The following DGKH variants were observed in gnomAD, a reference collection of about 807,000 sequenced individuals.
DGKH encodes the protein diacylglycerol kinase eta, also known as DAG kinase eta.
Under a neutral mutation model 159.3 loss-of-function variants are expected in DGKH, and 90 were observed. The observed-to-expected ratio is 0.57, with a 90% CI of 0.48 to 0.67. DGKH has a LOEUF of 0.67. DGKH is among the 30% of genes least tolerant of loss of function. The pLI is 0.00. For missense variants in DGKH, 1,181 were observed against 1,506.1 expected, an observed-to-expected ratio of 0.78 and a Z score of 3.57; for synonymous variants, 536 against 553.8, an observed-to-expected ratio of 0.97 and a Z score of 0.45.
chr13:42,156,140 A>G (rs1956038744), intron 5 of DGKH, among the ~76,000 whole-genome samples: 1 of 152,232 alleles, frequency 6.6e-6, no homozygotes, highest in African/African-American at 2.4e-5. Flanking sequence ...ATTATATTGC[A>G]TTGTTTTAAA....
intron 1 of DGKH, among the ~76,000 whole-genome samples, chr13:42,124,474 C>T (rs1032969479): frequency 6.6e-6 from 1 of 152,126 alleles, no homozygotes; most frequent in African/African-American, 2.4e-5. Flanking sequence ...ATTGCTGGTA[C>T]ATGTTATTTC....
chr13:42,152,200 G>A (rs1397165720), intron 3 of DGKH, among the ~76,000 whole-genome samples: 7 of 152,086 alleles, frequency 4.6e-5, no homozygotes, highest in Non-Finnish European at 7.4e-5. Flanking sequence ...GAGTACATTT[G>A]TGTTGTTTTA....
Position 42,236,407 on chromosome 13 carries a change from A to G in DGKH, c.*7219A>G, listed in dbSNP as rs1408761287. On this transcript the variant is annotated 3_prime_UTR_variant, in exon 30 of 30. Transcript: ENST00000337343. ...ATAGTAATAGACACTTTGTTAAAAA[A>G]ATAAGTTTCATGTTTAAAATAAATA... The G allele has an allele frequency of 3.3e-5, 5 of 152,240 alleles. No homozygotes were observed. The highest frequency in any genetic ancestry group is 7.2e-5 in the African/African-American group (3 of 41,456). 9.4% of individuals were successfully genotyped at this position (152,240 alleles called of 1,614,324 possible).
intron 3 of DGKH, among the ~76,000 whole-genome samples, chr13:42,142,603 G>C (rs1326504794): frequency 6.6e-6 from 1 of 151,776 alleles, no homozygotes; most frequent in Non-Finnish European, 1.5e-5. Flanking sequence ...CCTTGAAGAG[G>C]TCCTTCATGT....
intron 27 of DGKH, 78 bp from the exon 28 acceptor site, chr13:42,219,606 CTG>C: frequency 7.4e-7 from 1 of 1,358,474 alleles, no homozygotes; most frequent in Non-Finnish European, 1.0e-6. Context: ...TAACTTATTC[CTG>C]TGTTATCCCT....
chr13:42,152,960 C>G (rs1371096909), intron 3 of DGKH, among the ~76,000 whole-genome samples: 1 of 152,134 alleles, frequency 6.6e-6, no homozygotes, highest in South Asian at 2.1e-4. Context: ...ACAATTAATG[C>G]TCTTTTAGCA....
intron 22 of DGKH, 116 bp downstream of exon 22, chr13:42,209,188 A>T: frequency 7.3e-7 from 1 of 1,366,460 alleles, no homozygotes. Context: ...CTTTGTTGTC[A>T]TATCAGTTTT....
chr13:42,137,465 T>A (rs1184156503), intron 3 of DGKH, among the ~76,000 whole-genome samples: 2 of 152,196 alleles, frequency 1.3e-5, no homozygotes. Flanking sequence ...GAGGCTAACA[T>A]CTAATAATAT....
rs1349818131 is a variant in DGKH at position 42,232,627 on chromosome 13, T to C, written c.*3439T>C. 6.6e-6 allele frequency: 1 copy of C among 152,230 alleles called. No homozygotes were observed. Among genetic ancestry groups the C allele is most frequent in the African/African-American group, 2.4e-5 (1 of 41,466 alleles). The allele number at this position is 152,230 out of a possible 1,614,324, so 9.4% of individuals were successfully genotyped here. A position where few individuals can be genotyped will look rare whatever the true frequency, so the allele number is the denominator to read the frequency against. On this transcript the variant is annotated 3_prime_UTR_variant, in exon 30 of 30. Transcript: ENST00000337343. Reference sequence around the variant, plus strand: ...AAGCATACATGGTGGGTCATTTAACTAAGTGTTAGGAAGAAAACAATTTAA... The same window carrying C: ...AAGCATACATGGTGGGTCATTTAACCAAGTGTTAGGAAGAAAACAATTTAA...
chr13:42,094,700 A>G (rs539310312), intron 1 of DGKH, among the ~76,000 whole-genome samples: 16 of 152,192 alleles, frequency 1.1e-4, no homozygotes, highest in Non-Finnish European at 1.9e-4. Context: ...ATACAGTCAA[A>G]TTTCTGCCAA....
At chr13:42,174,592 AT>A (rs1180313204) in intron 12 of DGKH, among the ~76,000 whole-genome samples, 2 of 152,146 alleles carry the variant, frequency 1.3e-5, no homozygotes, top group African/African-American at 4.8e-5. Flanking sequence ...TGGCCATTAG[AT>A]TGTTTGATTA....
At chr13:42,098,403 C>A (rs1395704338) in intron 1 of DGKH, among the ~76,000 whole-genome samples, 1 of 151,992 alleles carries the variant, frequency 6.6e-6, no homozygotes, top group Non-Finnish European at 1.5e-5. Context: ...ATGAGAATGA[C>A]TTGAACTCGG....
chr13:42,193,125 G>A (rs12870823), intron 16 of DGKH, among the ~76,000 whole-genome samples: 18,083 of 152,042 alleles, frequency 0.12, 1,507 homozygotes, highest in East Asian at 0.4. Context: ...GGCCTTTGAT[G>A]TTTTCATCTA....
At chr13:42,198,969 C>A (rs557077840) in intron 18 of DGKH, among the ~76,000 whole-genome samples, 171 of 152,304 alleles carry the variant, frequency 1.1e-3, no homozygotes, top group Non-Finnish European at 2.1e-3. Context: ...TTGGCCCACA[C>A]TGATCTCTTC....
intron 1 of DGKH, among the ~76,000 whole-genome samples, chr13:42,121,075 A>C (rs1955060298): frequency 6.8e-6 from 1 of 147,384 alleles, no homozygotes; most frequent in Non-Finnish European, 1.5e-5. Context: ...ATACACACAC[A>C]CACACACACA....
At chr13:42,129,717 A>G in intron 3 of DGKH, 85 bp downstream of exon 3, 8 of 1,260,172 alleles carry the variant, frequency 6.3e-6, no homozygotes, top group South Asian at 2.7e-5. Flanking sequence ...GTTCAATTAC[A>G]AACTGTTGCT....
chr13:42,214,495 T>A lies in DGKH; in HGVS notation c.3015-12T>A. ...AAAGTTTTTTATTCATTTGTTTCAT[T>A]TTTGCTTTTAGGATATGTGACGCAG... On this transcript the variant is annotated splice_polypyrimidine_tract_variant and intron_variant, in intron 24 of 29. Coordinates refer to ENST00000337343, the MANE Select transcript of DGKH (RefSeq NM_178009.5). 6.2e-7 allele frequency: 1 copy of A among 1,601,622 alleles called. No homozygotes were observed. The highest frequency in any genetic ancestry group is 8.5e-7 in the Non-Finnish European group (1 of 1,176,538).
At position 42,232,428 on chromosome 13, in the gene DGKH, C is replaced by G. The variant is rs1958320843; in HGVS notation, c.*3240C>G. On this transcript the variant is annotated 3_prime_UTR_variant, in exon 30 of 30. Transcript: ENST00000337343. ...GACCTAAATAAAATTCCTGAGTATGCAATATTTCTCTTTAGTGTCTCTTCA... is the reference window on the plus strand; with the variant it reads ...GACCTAAATAAAATTCCTGAGTATGGAATATTTCTCTTTAGTGTCTCTTCA... 1 of 152,114 alleles carries G rather than the reference C, an allele frequency of 6.6e-6. No homozygotes were observed. The highest frequency in any genetic ancestry group is 2.4e-5 in the African/African-American group (1 of 41,420). The allele number at this position is 152,114 out of a possible 1,614,324, so 9.4% of individuals were successfully genotyped here. A position where few individuals can be genotyped will look rare whatever the true frequency, so the allele number is the denominator to read the frequency against.
At chr13:42,126,946 C>T (rs752531807) in intron 1 of DGKH, among the ~76,000 whole-genome samples, 1 of 152,146 alleles carries the variant, frequency 6.6e-6, no homozygotes, top group Non-Finnish European at 1.5e-5. Flanking sequence ...TGCACTAAGT[C>T]CTTTAACGTG....
Sources: gnomAD v4.1 joint callset for allele counts (sites outside exome capture counted in the v4.1 genomes callset) on GRCh38, gnomAD v4.1.1 for gene constraint, MANE v1.5 for transcripts, NCBI Gene and HGNC (gene_info 2026-07-23, HGNC 2026-07-21) for gene names.